Variants in PCDH9 observed in about 807,000 individuals in gnomAD.
PCDH9 encodes protocadherin 9.
Under a neutral mutation model 70.6 loss-of-function variants are expected in PCDH9, and 24 were observed. The observed-to-expected ratio is 0.34, with a 90% confidence interval of 0.25 to 0.48. The LOEUF is 0.48. PCDH9 is among the 20% of genes least tolerant of loss of function. The pLI is 0.99. For missense variants in PCDH9, 1,281 were observed against 1,503.6 expected, an observed-to-expected ratio of 0.85 and a Z score of 2.45; for synonymous variants, 562 against 558.5, an observed-to-expected ratio of 1.01 and a Z score of -0.09.
chr13:66,966,955 C>T (rs537941493), intron 2 of PCDH9, among the ~76,000 whole-genome samples: 2 of 151,934 alleles, frequency 1.3e-5, no homozygotes, highest in East Asian at 1.9e-4. Context: ...AAAAGCAGAC[C>T]GTAGTCTGAC....
intron 4 of PCDH9, among the ~76,000 whole-genome samples, chr13:66,380,972 T>G (rs905626713): frequency 6.6e-6 from 1 of 152,222 alleles, no homozygotes; most frequent in Admixed American, 6.5e-5. Context: ...GTGTCAACTT[T>G]CAGTAAGAGA....
chr13:66,707,701 AC>A (rs1469834265), intron 3 of PCDH9, among the ~76,000 whole-genome samples: 3 of 152,218 alleles, frequency 2.0e-5, no homozygotes, highest in Admixed American at 1.3e-4. Flanking sequence ...CAGGTCACTC[AC>A]TTATCTTTTG....
At chr13:66,745,488 CA>C (rs1484369792) in intron 3 of PCDH9, among the ~76,000 whole-genome samples, 1 of 152,128 alleles carries the variant, frequency 6.6e-6, no homozygotes, top group African/African-American at 2.4e-5. Context: ...TGAGCCGGTT[CA>C]AACACCTCAG....
chr13:66,779,673 T>C (rs2079957179), intron 3 of PCDH9, among the ~76,000 whole-genome samples: 1 of 151,700 alleles, frequency 6.6e-6, no homozygotes, highest in Admixed American at 6.6e-5. Flanking sequence ...ATACAAAAAT[T>C]AGCTGGGCGT....
intron 4 of PCDH9, among the ~76,000 whole-genome samples, chr13:66,408,885 G>A (rs1957326056): frequency 6.6e-6 from 1 of 151,758 alleles, no homozygotes; most frequent in Non-Finnish European, 1.5e-5. Context: ...TTCTGGGGAG[G>A]AAAAAAAGTC....
At chr13:66,769,184 G>A (rs2079764712) in intron 3 of PCDH9, among the ~76,000 whole-genome samples, 1 of 151,906 alleles carries the variant, frequency 6.6e-6, no homozygotes, top group African/African-American at 2.4e-5. Flanking sequence ...CCACCCTACA[G>A]GGTTCCAGTA....
At chr13:66,735,428 C>T (rs2079133742) in intron 3 of PCDH9, among the ~76,000 whole-genome samples, 1 of 152,190 alleles carries the variant, frequency 6.6e-6, no homozygotes, top group African/African-American at 2.4e-5. Context: ...TACCATATCA[C>T]ATACATTTAC....
chr13:67,112,695 T>G (rs1489908330), intron 2 of PCDH9, among the ~76,000 whole-genome samples: 1 of 144,674 alleles, frequency 6.9e-6, no homozygotes, highest in African/African-American at 2.6e-5. Context: ...CCCTTCTTCC[T>G]TTCCTCCCTT....
chr13:66,375,344 A>G (rs763570155), intron 4 of PCDH9, among the ~76,000 whole-genome samples: 1 of 151,948 alleles, frequency 6.6e-6, no homozygotes, highest in Non-Finnish European at 1.5e-5. Flanking sequence ...ATCTTTTGTG[A>G]TATTATTTTT....
chr13:66,656,450 A>C (rs1205230550), intron 3 of PCDH9, among the ~76,000 whole-genome samples: 2 of 152,078 alleles, frequency 1.3e-5, no homozygotes, highest in African/African-American at 4.8e-5. Flanking sequence ...CTTTGAAAAC[A>C]AATTTGTTCT....
intron 4 of PCDH9, among the ~76,000 whole-genome samples, chr13:66,394,376 C>G (rs1188983136): frequency 6.6e-6 from 1 of 152,176 alleles, no homozygotes; most frequent in East Asian, 1.9e-4. Flanking sequence ...TGGTGGAATA[C>G]CTACATGCCT....
intron 2 of PCDH9, among the ~76,000 whole-genome samples, chr13:67,178,344 G>A (rs1311787359): frequency 2.0e-5 from 3 of 152,014 alleles, no homozygotes; most frequent in African/African-American, 7.2e-5. Context: ...TCTTTCAACT[G>A]TAAAATAAGG....
chr13:66,591,542 CA>C (rs769135220), intron 4 of PCDH9, among the ~76,000 whole-genome samples: 3 of 149,702 alleles, frequency 2.0e-5, no homozygotes, highest in Non-Finnish European at 4.5e-5. Flanking sequence ...TACTGCAATA[CA>C]GAAAGCAGCC....
At chr13:66,604,027 A>G (rs1593763174) in intron 4 of PCDH9, among the ~76,000 whole-genome samples, 1 of 152,124 alleles carries the variant, frequency 6.6e-6, no homozygotes, top group Non-Finnish European at 1.5e-5. Flanking sequence ...TCTTTATACA[A>G]GTAAATATGC....
chr13:66,662,414 C>T (rs1302216201), intron 3 of PCDH9, among the ~76,000 whole-genome samples: 2 of 151,186 alleles, frequency 1.3e-5, no homozygotes, highest in African/African-American at 2.4e-5. Flanking sequence ...CAGAGGTTTC[C>T]GTGAGCTGAG....
chr13:66,739,390 C>T (rs1270400404), intron 3 of PCDH9, among the ~76,000 whole-genome samples: 1 of 150,548 alleles, frequency 6.6e-6, no homozygotes, highest in African/African-American at 2.4e-5. Flanking sequence ...CAAAATCATG[C>T]CAAAATATAA....
At position 66,622,974 on chromosome 13, in the gene PCDH9, G is replaced by A. The variant is rs144883220; in HGVS notation, c.3340+8236C>T. ...CCGGGAGGAACGAACAACTCCAGACGGGCCCCCTTAAGAGCTGTAACACTC... is the reference window on the plus strand; with the variant it reads ...CCGGGAGGAACGAACAACTCCAGACAGGCCCCCTTAAGAGCTGTAACACTC... On this transcript the variant is annotated intron_variant, in intron 4 of 4. Coordinates refer to ENST00000377865, the MANE Select transcript of PCDH9 (RefSeq NM_203487.3). Among the ~76,000 whole-genome samples the A allele has an allele frequency of 6.6e-5, 10 of 152,082 alleles. No homozygotes were observed. In the South Asian group the frequency reaches 8.3e-4, roughly 13 times the overall value.
intron 3 of PCDH9, among the ~76,000 whole-genome samples, chr13:66,664,991 A>G (rs896541147): frequency 9.9e-5 from 15 of 152,130 alleles, no homozygotes; most frequent in Non-Finnish European, 2.2e-4. Flanking sequence ...ACAAGCTTTG[A>G]AGCCCCCAAT....
chr13:66,395,501 A>G (rs1957087409), intron 4 of PCDH9, among the ~76,000 whole-genome samples: 1 of 151,942 alleles, frequency 6.6e-6, no homozygotes, highest in Non-Finnish European at 1.5e-5. Context: ...CTCGGGAACT[A>G]AGACAGGAGA....
Sources: gnomAD v4.1 joint callset for allele counts (sites outside exome capture counted in the v4.1 genomes callset) on GRCh38, gnomAD v4.1.1 for gene constraint, MANE v1.5 for transcripts, NCBI Gene and HGNC (gene_info 2026-07-23, HGNC 2026-07-21) for gene names.